The following SLC25A21 variants were observed in gnomAD, a reference collection of about 807,000 sequenced individuals.
The protein encoded by SLC25A21 is solute carrier family 25 member 21.
In SLC25A21, 47 loss-of-function variants were observed where a neutral mutation model predicts 43.8. The ratio of observed to expected loss-of-function variants is 1.07; its 90% CI spans 0.85 to 1.37. The LOEUF (loss-of-function observed/expected upper bound fraction) is 1.37, where lower values mean the gene tolerates loss of function less well. Ranked by LOEUF, SLC25A21 falls within the 40% of genes most tolerant of loss-of-function variation. SLC25A21 has a pLI of 0.00. For synonymous variants in SLC25A21, 131 were observed against 121.3 expected, an observed-to-expected ratio of 1.08 and a Z score of -0.52; for missense variants, 352 against 350.2, an observed-to-expected ratio of 1.00 and a Z score of -0.04.
intron 3 of SLC25A21, among the ~76,000 whole-genome samples, chr14:36,800,872 T>C (rs2138419621): frequency 6.6e-6 from 1 of 152,360 alleles, no homozygotes; most frequent in Non-Finnish European, 1.5e-5. Flanking sequence ...TAAGGCCCTG[T>C]AACTTTTTAT....
At chr14:36,746,002 G>A (rs1207389676) in intron 3 of SLC25A21, among the ~76,000 whole-genome samples, 1 of 152,068 alleles carries the variant, frequency 6.6e-6, no homozygotes, top group Non-Finnish European at 1.5e-5. Context: ...CTACACTGCT[G>A]GTGGAAATGT....
chr14:36,832,336 C>T (rs1295989483), intron 2 of SLC25A21, among the ~76,000 whole-genome samples: 1 of 151,914 alleles, frequency 6.6e-6, no homozygotes, highest in Non-Finnish European at 1.5e-5. Context: ...AATTTTATGC[C>T]TCTTTGTTTT....
chr14:36,732,980 C>T (rs1297966808), intron 4 of SLC25A21, among the ~76,000 whole-genome samples: 1 of 152,156 alleles, frequency 6.6e-6, no homozygotes, highest in Non-Finnish European at 1.5e-5. Context: ...AACCATTGTT[C>T]TGGCACAGAA....
intron 1 of SLC25A21, among the ~76,000 whole-genome samples, chr14:37,061,544 T>C (rs570276116): frequency 1.3e-5 from 2 of 152,240 alleles, no homozygotes; most frequent in East Asian, 1.9e-4. Context: ...TATAGTAGAA[T>C]TGATAAACTG....
intron 1 of SLC25A21, among the ~76,000 whole-genome samples, chr14:37,112,196 T>A (rs1443223859): frequency 6.6e-6 from 1 of 152,108 alleles, no homozygotes; most frequent in South Asian, 2.1e-4. Context: ...ATACATTCCA[T>A]AGAATAAAAC....
intron 1 of SLC25A21, among the ~76,000 whole-genome samples, chr14:36,928,531 G>C (rs1892194474): frequency 6.6e-6 from 1 of 152,060 alleles, no homozygotes; most frequent in Admixed American, 6.6e-5. Flanking sequence ...ATGGATCTAT[G>C]CTTATCCTCA....
At chr14:36,719,900 C>T (rs1884307623) in intron 6 of SLC25A21, among the ~76,000 whole-genome samples, 1 of 152,188 alleles carries the variant, frequency 6.6e-6, no homozygotes, top group African/African-American at 2.4e-5. Flanking sequence ...ACCTGTCGTT[C>T]TTGATGGGAA....
At chr14:36,902,605 G>C (rs1891426255) in intron 1 of SLC25A21, among the ~76,000 whole-genome samples, 1 of 152,194 alleles carries the variant, frequency 6.6e-6, no homozygotes, top group Admixed American at 6.5e-5. Context: ...TTGTTTTTAA[G>C]TTTATTTTGG....
intron 1 of SLC25A21, among the ~76,000 whole-genome samples, chr14:37,134,700 C>T (rs1045573659): frequency 1.1e-4 from 16 of 150,372 alleles, no homozygotes; most frequent in African/African-American, 3.9e-4. Flanking sequence ...AGAAAACAAA[C>T]AGCAACAACA....
intron 1 of SLC25A21, among the ~76,000 whole-genome samples, chr14:37,121,536 C>G (rs992955006): frequency 6.6e-6 from 1 of 151,980 alleles, no homozygotes; most frequent in African/African-American, 2.4e-5. Context: ...AACAGTAGTC[C>G]CAACACTTTG....
At chr14:36,803,037 C>T (rs1887921065) in intron 3 of SLC25A21, among the ~76,000 whole-genome samples, 1 of 152,202 alleles carries the variant, frequency 6.6e-6, no homozygotes, top group Non-Finnish European at 1.5e-5. Flanking sequence ...ATTGAAATTT[C>T]TTCTTACTCA....
At chr14:37,013,804 A>G (rs1236580556) in intron 1 of SLC25A21, among the ~76,000 whole-genome samples, 2 of 151,852 alleles carry the variant, frequency 1.3e-5, no homozygotes, top group East Asian at 3.9e-4. Flanking sequence ...TCTTTTTCTG[A>G]AGTACAGGCA....
chr14:36,834,277 G>T (rs533244058), intron 2 of SLC25A21, among the ~76,000 whole-genome samples: 12 of 152,298 alleles, frequency 7.9e-5, no homozygotes, highest in African/African-American at 2.9e-4. Flanking sequence ...ATCAGGCAAG[G>T]TTTTTGTTGC....
intron 1 of SLC25A21, among the ~76,000 whole-genome samples, chr14:37,137,743 T>C (rs1410083030): frequency 6.6e-6 from 1 of 152,186 alleles, no homozygotes; most frequent in Non-Finnish European, 1.5e-5. Flanking sequence ...ATTTCCACTA[T>C]TCTCAAAAGT....
At chr14:37,095,831 C>A (rs1433212515) in intron 1 of SLC25A21, among the ~76,000 whole-genome samples, 1 of 44,036 alleles carries the variant, frequency 2.3e-5, no homozygotes, top group East Asian at 4.0e-4. Flanking sequence ...CACACACACA[C>A]ACACACACAC....
intron 3 of SLC25A21, among the ~76,000 whole-genome samples, chr14:36,805,121 A>G (rs1887992380): frequency 6.6e-6 from 1 of 152,086 alleles, no homozygotes; most frequent in Non-Finnish European, 1.5e-5. Flanking sequence ...CACTCAAACA[A>G]CTGGTCCTCC....
At chr14:37,034,943 C>G (rs1240140301) in intron 1 of SLC25A21, among the ~76,000 whole-genome samples, 3 of 152,196 alleles carry the variant, frequency 2.0e-5, no homozygotes, top group Non-Finnish European at 4.4e-5. Context: ...CAGGCCCAAT[C>G]ATAACTAGCT....
In SLC25A21 at chr14:36,927,909, G is replaced by A. The variant is rs144181092; in HGVS notation, c.71-52905C>T. Among the ~76,000 whole-genome samples, 117 of 152,160 alleles carry A rather than the reference G, an allele frequency of 7.7e-4. 1 individual carries two copies. The highest frequency in any genetic ancestry group is 2.9e-3 in the Admixed American group (45 of 15,274). On this transcript the variant is annotated intron_variant, in intron 1 of 9. Transcript: ENST00000331299. ...AGAGCATGAGCAACTACTTAGGAGA[G>A]GAAAAAACCTTCCATTCCATTTGCT...
chr14:36,935,914 T>G (rs867010735), intron 1 of SLC25A21, among the ~76,000 whole-genome samples: 1 of 152,148 alleles, frequency 6.6e-6, no homozygotes, highest in Non-Finnish European at 1.5e-5. Flanking sequence ...GGGAACCTTA[T>G]GGAGTCCTGC....
Sources: allele counts gnomAD v4.1 joint callset (sites outside exome capture counted in the v4.1 genomes callset), GRCh38; gene constraint gnomAD v4.1.1; transcripts MANE v1.5; gene names NCBI Gene and HGNC (gene_info 2026-07-23, HGNC 2026-07-21).